Variants in UBE2W observed in about 807,000 individuals in gnomAD.
The protein encoded by UBE2W is ubiquitin conjugating enzyme E2 W.
A neutral mutation model predicts 27.2 loss-of-function variants in UBE2W; 18 were observed. The observed-to-expected ratio is 0.66, with a 90% CI of 0.46 to 0.98. UBE2W has a LOEUF of 0.98. Among genes scored for constraint, UBE2W ranks in the 50% least tolerant of loss-of-function variants. UBE2W has a pLI of 0.00. For synonymous variants in UBE2W, 53 were observed against 57.2 expected (o/e 0.93, Z 0.33); for missense variants, 90 against 180.2 (o/e 0.50, Z 2.87).
At chr8:73,802,298 G>A (rs925653039) in intron 5 of UBE2W, among the ~76,000 whole-genome samples, 6 of 152,144 alleles carry the variant, frequency 3.9e-5, no homozygotes, top group African/African-American at 1.4e-4. Flanking sequence ...ATAAAACTCT[G>A]CAGATTCAGA....
chr8:73,785,899 C>A (rs1196652211), downstream of UBE2W, among the ~76,000 whole-genome samples: 1 of 152,236 alleles, frequency 6.6e-6, no homozygotes, highest in Non-Finnish European at 1.5e-5. Flanking sequence ...GTACTTTTCA[C>A]AGACATGTTT....
intron 1 of UBE2W, among the ~76,000 whole-genome samples, chr8:73,850,254 G>C (rs763489885): frequency 6.6e-6 from 1 of 152,166 alleles, no homozygotes; most frequent in Non-Finnish European, 1.5e-5. Flanking sequence ...TCCAGTGTTG[G>C]GGAGAATGTG....
chr8:73,839,153 T>C (rs1810425753), intron 1 of UBE2W, among the ~76,000 whole-genome samples: 1 of 152,136 alleles, frequency 6.6e-6, no homozygotes. Context: ...CGGTAACAAA[T>C]GCCCATATTT....
chr8:73,843,143 A>G (rs775581533), intron 1 of UBE2W, among the ~76,000 whole-genome samples: 2 of 152,224 alleles, frequency 1.3e-5, no homozygotes, highest in Admixed American at 6.5e-5. Flanking sequence ...TAGAGATGGA[A>G]GGTAAGCTGG....
chr8:73,804,133 C>T (rs930985681), intron 5 of UBE2W, among the ~76,000 whole-genome samples: 2 of 151,980 alleles, frequency 1.3e-5, no homozygotes, highest in African/African-American at 4.8e-5. Context: ...GTCATCTTTT[C>T]GTTCAACACC....
At chr8:73,810,043 G>T (rs1809088603) in intron 4 of UBE2W, among the ~76,000 whole-genome samples, 1 of 152,104 alleles carries the variant, frequency 6.6e-6, no homozygotes, top group Admixed American at 6.6e-5. Context: ...TTAGGACAGG[G>T]AAGCTCTGGT....
intron 1 of UBE2W, among the ~76,000 whole-genome samples, chr8:73,863,985 T>C (rs1345369898): frequency 1.4e-5 from 2 of 145,432 alleles, no homozygotes; most frequent in Non-Finnish European, 3.0e-5. Flanking sequence ...TGATCTACAG[T>C]AGAAAATGAG....
chr8:73,791,796 G>A lies in UBE2W; in HGVS notation c.*2306C>T. On this transcript the variant is annotated 3_prime_UTR_variant, in exon 6 of 6. Transcript: ENST00000602593. ...TTTTCTACTCTTTAAACCATAAGAT[G>A]TACCGAAATTATTTCATTTTCCTCT... The A allele has an allele frequency of 1.0e-6, 1 of 984,596 alleles. No individual in the cohort carries two copies. Among genetic ancestry groups the A allele is most frequent in the Non-Finnish European group, 1.2e-6 (1 of 829,296 alleles). 61.0% of individuals were successfully genotyped at this position (984,596 alleles called of 1,614,324 possible).
At chr8:73,845,497 G>A (rs1810759099) in intron 1 of UBE2W, among the ~76,000 whole-genome samples, 1 of 152,086 alleles carries the variant, frequency 6.6e-6, no homozygotes, top group Admixed American at 6.6e-5. Context: ...TTAAACAGAT[G>A]CTTGAAGGCA....
At chr8:73,801,108 A>T (rs779629728) in intron 5 of UBE2W, among the ~76,000 whole-genome samples, 23 of 152,258 alleles carry the variant, frequency 1.5e-4, no homozygotes, top group Middle Eastern at 3.4e-3. Context: ...AAAAAGAAAA[A>T]GAATAAGAAC....
rs536606009 is a variant in UBE2W at position 73,791,196 on chromosome 8, A to T, written c.*2906T>A. On this transcript the variant is annotated 3_prime_UTR_variant, in exon 6 of 6. Coordinates refer to ENST00000602593, the MANE Select transcript of UBE2W (RefSeq NM_018299.6). ...TAAGAGAACCATAAAATGTATTTTT[A>T]AAAAATTCTCTTAAAAACTGAAAAC... 2.0e-4 allele frequency: 199 copies of T among 984,088 alleles called. No homozygotes were observed. The highest frequency in any genetic ancestry group is 5.2e-4 in the Middle Eastern group (1 of 1,910). The allele number at this position is 984,088 out of a possible 1,614,324, so 61.0% of individuals were successfully genotyped here. A position where few individuals can be genotyped will look rare whatever the true frequency, so the allele number is the denominator to read the frequency against.
chr8:73,858,775 T>C (rs1017477171), intron 1 of UBE2W, among the ~76,000 whole-genome samples: 3 of 151,706 alleles, frequency 2.0e-5, no homozygotes, highest in Admixed American at 6.6e-5. Flanking sequence ...CCATCACCAT[T>C]AACTGTCTTA....
At chr8:73,780,824 T>C (rs112865284) in intron 4 of UBE2W, among the ~76,000 whole-genome samples, 8,039 of 152,072 alleles carry the variant, frequency 0.053, 683 homozygotes, top group African/African-American at 0.18. Context: ...ACGCCTGACC[T>C]GGAAGAAATA....
At chr8:73,803,950 T>C (rs1404095691) in intron 5 of UBE2W, among the ~76,000 whole-genome samples, 1 of 150,716 alleles carries the variant, frequency 6.6e-6, no homozygotes, top group Non-Finnish European at 1.5e-5. Flanking sequence ...GTATTTTTAG[T>C]AGAGACAGGG....
chr8:73,843,226 G>A (rs1474899738), intron 1 of UBE2W, among the ~76,000 whole-genome samples: 2 of 152,150 alleles, frequency 1.3e-5, no homozygotes, highest in Non-Finnish European at 2.9e-5. Flanking sequence ...TTTTGGGCAT[G>A]ATAAAGATGT....
chr8:73,792,178 A>G lies in UBE2W; in HGVS notation c.*1924T>C, dbSNP rs1192758921. Reference sequence around the variant, plus strand: ...AGCAGTTTAAAACTATGAGTAATTCAAAGACTTTCTGTCTTGGTTAAACAG... The same window carrying G: ...AGCAGTTTAAAACTATGAGTAATTCGAAGACTTTCTGTCTTGGTTAAACAG... On this transcript the variant is annotated 3_prime_UTR_variant, in exon 6 of 6. Coordinates refer to ENST00000602593, the MANE Select transcript of UBE2W (RefSeq NM_018299.6). 2.0e-6 allele frequency: 2 copies of G among 985,462 alleles called. No homozygotes were observed. The highest frequency in any genetic ancestry group is 2.3e-4 in the East Asian group (2 of 8,830). 61.0% of individuals were successfully genotyped at this position (985,462 alleles called of 1,614,324 possible). A position where few individuals can be genotyped will look rare whatever the true frequency, so the allele number is the denominator to read the frequency against.
intron 1 of UBE2W, among the ~76,000 whole-genome samples, chr8:73,837,195 A>G (rs1242235751): frequency 6.6e-6 from 1 of 152,204 alleles, no homozygotes. Flanking sequence ...GAAAGATGTT[A>G]AAATATGGAA....
chr8:73,833,854 GCT>G (rs1247057310), intron 1 of UBE2W: 1 of 152,174 alleles, frequency 6.6e-6, no homozygotes, highest in Non-Finnish European at 1.5e-5. Flanking sequence ...GTTTTGACCT[GCT>G]CTGTTTCTGA....
chr8:73,791,392 T>G lies in UBE2W; in HGVS notation c.*2710A>C. 1.0e-6 allele frequency: 1 copy of G among 983,288 alleles called. No homozygotes were observed. Among genetic ancestry groups the G allele is most frequent in the Non-Finnish European group, 1.2e-6 (1 of 828,546 alleles). 60.9% of individuals were successfully genotyped at this position (983,288 alleles called of 1,614,324 possible). ...AATGGCCTAAAAATAAATAAATAAA[T>G]AAATAAAAGAAGAAGAGTGTACCTT... On this transcript the variant is annotated 3_prime_UTR_variant, in exon 6 of 6. Coordinates refer to ENST00000602593, the MANE Select transcript of UBE2W (RefSeq NM_018299.6).
Sources: gnomAD v4.1 joint callset for allele counts (sites outside exome capture counted in the v4.1 genomes callset) on GRCh38, gnomAD v4.1.1 for gene constraint, MANE v1.5 for transcripts, NCBI Gene and HGNC (gene_info 2026-07-23, HGNC 2026-07-21) for gene names.